Variants in PLXNB2 observed in about 807,000 individuals in gnomAD.
PLXNB2 encodes plexin-B2.
In PLXNB2, 85 loss-of-function variants were observed where a neutral mutation model predicts 202.6. The observed-to-expected ratio is 0.42, with a 90% CI of 0.35 to 0.50. The LOEUF is 0.50. PLXNB2 is among the 20% of genes least tolerant of loss of function. PLXNB2 has a pLI of 0.02. For missense variants in PLXNB2, 2,063 were observed against 2,586.2 expected, an observed-to-expected ratio of 0.80 and a Z score of 4.39; for synonymous variants, 1,239 against 1,137.6, an observed-to-expected ratio of 1.09 and a Z score of -1.79.
chr22:50,278,525 G>A lies in PLXNB2; in HGVS notation c.4648-6C>T. 6.3e-7 allele frequency: 1 copy of A among 1,576,676 alleles called. No homozygotes were observed. The highest frequency in any genetic ancestry group is 1.7e-4 in the Middle Eastern group (1 of 6,018). On this transcript the variant is annotated splice_region_variant and splice_polypyrimidine_tract_variant and intron_variant, in intron 29 of 36. Coordinates refer to ENST00000359337, the MANE Select transcript of PLXNB2 (RefSeq NM_012401.4). ...AGGGTGGCTCCATCCCGGACCTGGG[G>A]AACACGGCGGTGAGGGTGGGCTGTG...
In PLXNB2 at chr22:50,284,603, T is replaced by C. The variant is rs2066283505; in HGVS notation, c.2151A>G (p.Glu717=). Residue 717 remains glutamate (E), a synonymous_variant, in exon 12 of 37, where the codon GAA becomes GAG. Transcript: ENST00000359337. This position sits in a 1 kb window ranked among gnomAD's most constrained non-coding sequence, Gnocchi z 8.0. ...LKFMEPVTMQ[E]SGTFAFRTPK... Reference sequence around the variant, plus strand: ...GGGTCCGAAAGGCGAAGGTCCCAGATTCCTGCATGGTCACCGGCTCCATGA... The same window carrying C: ...GGGTCCGAAAGGCGAAGGTCCCAGACTCCTGCATGGTCACCGGCTCCATGA... 1.2e-6 allele frequency: 2 copies of C among 1,610,730 alleles called. No individual in the cohort carries two copies. The highest frequency in any genetic ancestry group is 1.7e-6 in the Non-Finnish European group (2 of 1,179,000).
At chr22:50,276,527 C>G (rs993518314) in intron 35 of PLXNB2, 102 bp downstream of exon 35, 2 of 1,030,726 alleles carry the variant, frequency 1.9e-6, no homozygotes, top group African/African-American at 1.6e-5. Context: ...CCTCTCTCCC[C>G]CTCAGCACCA....
In PLXNB2 at chr22:50,280,821, C is replaced by G. The variant is rs772789014; in HGVS notation, c.3916G>C (p.Glu1306Gln). 1.2e-6 allele frequency: 2 copies of G among 1,613,264 alleles called. No individual in the cohort carries two copies. The highest frequency in any genetic ancestry group is 1.7e-6 in the Non-Finnish European group (2 of 1,179,922). The change falls in exon 24 of 37, where the codon GAG becomes CAG. Residue 1306 changes from glutamate to glutamine, a missense_variant. Transcript: ENST00000359337. ...TGCTCCACCACCGGCCGCCGCGGCT[C>G]AGGGATGTCCAGCTTGCCGGTGATC... ...VMITGKLDIP[E>Q]PRRPVVEQAL...
At chr22:50,286,141 C>T in intron 9 of PLXNB2, 32 bp downstream of exon 9, 11 of 1,610,018 alleles carry the variant, frequency 6.8e-6, no homozygotes, top group Non-Finnish European at 8.5e-6. Context: ...GGTGGACGGG[C>T]AGGGTGGGGT....
rs1015675425 is a variant in PLXNB2 at position 50,284,704 on chromosome 22, T to C, written c.2089-39A>G. On this transcript the variant is annotated intron_variant, in intron 11 of 36. Coordinates refer to ENST00000359337, the MANE Select transcript of PLXNB2 (RefSeq NM_012401.4). The surrounding 1 kb of genome is among the most constrained non-coding windows in gnomAD (Gnocchi z 8.0). ...CGTCAGGACCCTGGACAGGCGGCTG[T>C]GGCACCCTGGCCCTCCTCCCAGAAC... is the stretch of plus-strand genomic sequence containing the variant. The C allele has an allele frequency of 2.7e-6, 4 of 1,495,296 alleles. No individual in the cohort carries two copies. The highest frequency in any genetic ancestry group is 1.1e-5 in the South Asian group (1 of 88,618). The allele number at this position is 1,495,296 out of a possible 1,614,324, so 92.6% of individuals were successfully genotyped here. A position where few individuals can be genotyped will look rare whatever the true frequency, so the allele number is the denominator to read the frequency against.
chr22:50,281,321 A>T, intron 22 of PLXNB2, 39 bp downstream of exon 22: 1 of 1,606,624 alleles, frequency 6.2e-7, no homozygotes, highest in Non-Finnish European at 8.5e-7. Flanking sequence ...GGGAGGGCCG[A>T]GGGCTCAGGG....
At chr22:50,293,116 T>C (rs1403798976) in intron 2 of PLXNB2, among the ~76,000 whole-genome samples, 1 of 152,214 alleles carries the variant, frequency 6.6e-6, no homozygotes, top group African/African-American at 2.4e-5. Context: ...CAGGAAAAGA[T>C]GCTGGCTTTA....
Position 50,289,409 on chromosome 22 carries a change from G to A in PLXNB2, c.1068+108C>T. ...CACGCAAGCGCCCAGGCTGGCGAGA[G>A]CCACGGCCACACTGCTCACGTGCAC... On this transcript the variant is annotated intron_variant, in intron 3 of 36. Coordinates refer to ENST00000359337, the MANE Select transcript of PLXNB2 (RefSeq NM_012401.4). The surrounding 1 kb of genome is among the most constrained non-coding windows in gnomAD (Gnocchi z 8.0). 1 of 1,379,188 alleles carries A rather than the reference G, an allele frequency of 7.3e-7. No individual in the cohort carries two copies. Among genetic ancestry groups the A allele is most frequent in the Non-Finnish European group, 9.6e-7 (1 of 1,040,860 alleles). 85.4% of individuals were successfully genotyped at this position (1,379,188 alleles called of 1,614,324 possible). A position where few individuals can be genotyped will look rare whatever the true frequency, so the allele number is the denominator to read the frequency against.
intron 30 of PLXNB2, 74 bp from the exon 31 acceptor site, chr22:50,278,345 G>A: frequency 6.4e-7 from 1 of 1,573,038 alleles, no homozygotes; most frequent in Non-Finnish European, 8.7e-7. Context: ...AGTGGTGGCA[G>A]GGTGGGCAGG....
At position 50,284,281 on chromosome 22, in the gene PLXNB2, G is replaced by C. The variant is rs538202968; in HGVS notation, c.2182-68C>G. 373 of 1,446,104 alleles carry C rather than the reference G, an allele frequency of 2.6e-4. 1 individual carries two copies. In the African/African-American group the frequency reaches 4.7e-3, roughly 18 times the overall value. The allele number at this position is 1,446,104 out of a possible 1,614,324, so 89.6% of individuals were successfully genotyped here. On this transcript the variant is annotated intron_variant, in intron 12 of 36. Transcript: ENST00000359337. This position sits in a 1 kb window ranked among gnomAD's most constrained non-coding sequence, Gnocchi z 8.0. ...GAGGGGCGTGGGGCGGGGGTCACAA[G>C]GGCAGCCTCCCTGTGGCCACCGGGT...
chr22:50,295,194 A>G (rs28394672), intron 1 of PLXNB2, among the ~76,000 whole-genome samples: 53,455 of 151,304 alleles, frequency 0.35, 10,499 homozygotes, highest in African/African-American at 0.53. Context: ...GGTGGCGGGC[A>G]GCTGTAGTCC....
chr22:50,283,218 A>G (rs2066147495), intron 16 of PLXNB2, 32 bp from the exon 17 acceptor site: 2 of 1,599,854 alleles, frequency 1.3e-6, no homozygotes, highest in Non-Finnish European at 1.7e-6. Flanking sequence ...TCGGGTGAGG[A>G]CGGGGCACAG....
chr22:50,288,693 G>A lies in PLXNB2; in HGVS notation c.1380+50C>T. 6.2e-7 allele frequency: 1 copy of A among 1,604,634 alleles called. No individual in the cohort carries two copies. Among genetic ancestry groups the A allele is most frequent in the Non-Finnish European group, 8.5e-7 (1 of 1,175,814 alleles). ...CTGTCCTAAGGGCCTGGGATGCAAT[G>A]ACCGGGCACACTTGGCCTAGAGTGC... On this transcript the variant is annotated intron_variant, in intron 5 of 36. Transcript: ENST00000359337. The surrounding 1 kb of genome is among the most constrained non-coding windows in gnomAD (Gnocchi z 5.0).
In PLXNB2 at chr22:50,289,769, G is replaced by T. The variant is rs886582997; in HGVS notation, c.816C>A (p.His272Gln). Residue 272 changes from histidine (H) to glutamine (Q), a missense_variant, in exon 3 of 37, where the codon CAC (histidine) becomes CAA (glutamine). Around this residue, in one of 2 missense-constraint regions of PLXNB2, gnomAD observed 1,303 missense variants for 1,476.8 expected, o/e 0.88. Transcript: ENST00000359337. The surrounding 1 kb of genome is among the most constrained non-coding windows in gnomAD (Gnocchi z 8.0). ...MDLQCRDPDI[H>Q]AAAFGTCLAA... ...CCAGGCAGGTGCCAAAGGCAGCGGCGTGGATGTCGGGGTCCCGGCACTGCA... is the reference window on the plus strand; with the variant it reads ...CCAGGCAGGTGCCAAAGGCAGCGGCTTGGATGTCGGGGTCCCGGCACTGCA... 2.5e-6 allele frequency: 4 copies of T among 1,612,998 alleles called. No individual in the cohort carries two copies. Among genetic ancestry groups the T allele is most frequent in the Non-Finnish European group, 3.4e-6 (4 of 1,180,008 alleles).
chr22:50,278,925 C>T lies in PLXNB2; in HGVS notation c.4476G>A (p.Glu1492=). Reference sequence around the variant, plus strand: ...CACGGTACACCTGGTCAATGATCTTCTCCTTGACCTGGGAGATGGTGTCAC... The same window carrying T: ...CACGGTACACCTGGTCAATGATCTTTTCCTTGACCTGGGAGATGGTGTCAC... The part of the protein sequence containing the change: ...LNCDTISQVK[E]KIIDQVYRGQ... Residue 1492 remains glutamate (E), a synonymous_variant, in exon 28 of 37, where the codon GAG becomes GAA. Coordinates refer to ENST00000359337, the MANE Select transcript of PLXNB2 (RefSeq NM_012401.4). 1.2e-6 allele frequency: 2 copies of T among 1,613,682 alleles called. No homozygotes were observed. Among genetic ancestry groups the T allele is most frequent in the Non-Finnish European group, 1.7e-6 (2 of 1,179,816 alleles).
Position 50,277,868 on chromosome 22 carries a change from ATGTGGATGG to A in PLXNB2, c.5024_5032del (p.Thr1675_His1677del). ...GGAGCCTCACCTGTTCGTCTTCCAG[ATGTGGATGG>A]TGTCTTCATCCTGGATGTTGTGCTT... On this transcript the variant is annotated inframe_deletion, in exon 32 of 37. Coordinates refer to ENST00000359337, the MANE Select transcript of PLXNB2 (RefSeq NM_012401.4). 1 of 1,613,004 alleles carries A rather than the reference ATGTGGATGG, an allele frequency of 6.2e-7. No homozygotes were observed. The highest frequency in any genetic ancestry group is 8.5e-7 in the Non-Finnish European group (1 of 1,179,870).
In PLXNB2 at chr22:50,289,390, A is replaced by G. The variant is rs562336273; in HGVS notation, c.1068+127T>C. 9.8e-4 allele frequency: 1,225 copies of G among 1,254,776 alleles called. 1 individual carries two copies. The highest frequency in any genetic ancestry group is 2.5e-3 in the Middle Eastern group (9 of 3,582). 77.7% of individuals were successfully genotyped at this position (1,254,776 alleles called of 1,614,324 possible). Reference sequence around the variant, plus strand: ...GAGAGATGCGGCACCCACCCACGCAAGCGCCCAGGCTGGCGAGAGCCACGG... The same window carrying G: ...GAGAGATGCGGCACCCACCCACGCAGGCGCCCAGGCTGGCGAGAGCCACGG... On this transcript the variant is annotated intron_variant, in intron 3 of 36. Coordinates refer to ENST00000359337, the MANE Select transcript of PLXNB2 (RefSeq NM_012401.4). This position sits in a 1 kb window ranked among gnomAD's most constrained non-coding sequence, Gnocchi z 8.0.
rs377737136 is a variant in PLXNB2, at chr22:50,279,774, G to A, written c.4245C>T (p.Asp1415=). The change falls in exon 27 of 37, where the codon GAC becomes GAT. Residue 1415 remains aspartate, a splice_region_variant and synonymous_variant. Transcript: ENST00000359337. ...MSICLYQYLK[D]SAGEPLYKLF... is the part of the protein sequence containing the mutation. ...GCTTGTACAGGGGCTCCCCGGCACT[G>A]TCCTGGAGTAACACGGAGGGGAGGC... 10 of 1,613,714 alleles carry A rather than the reference G, an allele frequency of 6.2e-6. No homozygotes were observed. The African/African-American group carries it at 1.1e-4, about 17-fold the overall frequency.
chr22:50,276,074 C>A (rs2065536399), intron 35 of PLXNB2, 111 bp from the exon 36 acceptor site: 4 of 1,003,060 alleles, frequency 4.0e-6, no homozygotes, highest in East Asian at 2.5e-5. Flanking sequence ...GCAGCTGGGG[C>A]CTTGGGCACA....
Sources: allele counts gnomAD v4.1 joint callset (sites outside exome capture counted in the v4.1 genomes callset), GRCh38; gene constraint gnomAD v4.1.1; regional missense constraint gnomAD v4.1.1; non-coding constraint Gnocchi (gnomAD v3.1); transcripts MANE v1.5; gene names NCBI Gene and HGNC (gene_info 2026-07-23, HGNC 2026-07-21).